The following TRMT9B variants were observed in gnomAD, a reference collection of about 807,000 sequenced individuals.
The protein encoded by TRMT9B is probable tRNA methyltransferase 9B.
Under a neutral mutation model 11.5 loss-of-function variants are expected in TRMT9B, and 16 were observed. The ratio of observed to expected loss-of-function variants is 1.39; its 90% CI spans 0.94 to 2.11. TRMT9B has a LOEUF of 2.11. Among genes scored for constraint, TRMT9B ranks in the 30% most tolerant of loss-of-function variants. The pLI is 0.00. For synonymous variants in TRMT9B, 274 were observed against 192.4 expected (o/e 1.42, Z -3.51); for missense variants, 941 against 553.8 (o/e 1.70, Z -7.02).
intron 1 of TRMT9B, among the ~76,000 whole-genome samples, chr8:12,970,641 A>C: frequency 6.6e-6 from 1 of 152,236 alleles, no homozygotes; most frequent in Non-Finnish European, 1.5e-5. Flanking sequence ...TGTCAATATT[A>C]ATACTATTCC....
chr8:12,990,558 C>A (rs1203918566), intron 1 of TRMT9B, among the ~76,000 whole-genome samples: 2 of 152,142 alleles, frequency 1.3e-5, no homozygotes, highest in Admixed American at 6.5e-5. Context: ...AGATGACTCT[C>A]AATGTTAGCA....
chr8:13,012,926 T>G lies in TRMT9B; in HGVS notation c.328+69T>G, dbSNP rs535318274. The stretch of plus-strand genomic sequence containing the variant: ...ATTGACCCGGTTTAGTCCGTTCTCA[T>G]GACTCAACATCCGTTCTGTGTAGAA... On this transcript the variant is annotated intron_variant, in intron 4 of 4. Transcript: ENST00000524591. 128 of 1,553,586 alleles carry G rather than the reference T, an allele frequency of 8.2e-5. No homozygotes were observed. The African/African-American group carries it at 1.5e-3, about 19-fold the overall frequency.
chr8:13,007,673 T>A (rs1373147412), intron 3 of TRMT9B: 1 of 152,178 alleles, frequency 6.6e-6, no homozygotes, highest in Non-Finnish European at 1.5e-5. Context: ...GAGTGTGCAG[T>A]GAGTTTGGAG....
At chr8:13,010,130 C>G (rs950127253) in intron 3 of TRMT9B, 1 of 462,042 alleles carries the variant, frequency 2.2e-6, no homozygotes, top group Non-Finnish European at 2.8e-6. Context: ...ATAGTGAGAC[C>G]CTATCTGAAA....
chr8:13,008,459 T>C (rs573561404), intron 3 of TRMT9B, among the ~76,000 whole-genome samples: 31 of 152,152 alleles, frequency 2.0e-4, no homozygotes, highest in Non-Finnish European at 4.3e-4. Context: ...ACTCAAATAT[T>C]TTGCTGCACT....
In TRMT9B at chr8:13,021,772, A is replaced by G. The variant is rs1408945468; in HGVS notation, c.1093A>G (p.Ile365Val). 6.2e-7 allele frequency: 1 copy of G among 1,613,984 alleles called. No homozygotes were observed. The highest frequency in any genetic ancestry group is 8.5e-7 in the Non-Finnish European group (1 of 1,179,892). Residue 365 changes from isoleucine to valine, a missense_variant, in exon 5 of 5, where the codon ATA becomes GTA. Transcript: ENST00000524591. Reference protein sequence around the residue: ...TGVNCVDAGNIEDDNPSASKI... With the variant: ...TGVNCVDAGNVEDDNPSASKI... ...TGTGAATTGTGTGGATGCAGGCAAC[A>G]TAGAAGATGATAATCCTTCTGCTAG...
chr8:13,012,239 A>G (rs1350707840), intron 3 of TRMT9B: 1 of 985,420 alleles, frequency 1.0e-6, no homozygotes, highest in Non-Finnish European at 1.2e-6. Context: ...GCTTTTGTGA[A>G]TACCTTCACA....
intron 1 of TRMT9B, among the ~76,000 whole-genome samples, chr8:12,980,242 G>T (rs1050585800): frequency 2.0e-5 from 3 of 152,012 alleles, no homozygotes; most frequent in African/African-American, 7.2e-5. Flanking sequence ...CCAATTCCCG[G>T]TGGGCCCAGG....
chr8:12,978,651 A>G (rs192058419), intron 1 of TRMT9B, among the ~76,000 whole-genome samples: 1 of 152,324 alleles, frequency 6.6e-6, no homozygotes, highest in African/African-American at 2.4e-5. Context: ...CAGCCAATAT[A>G]GTAGCCACTG....
chr8:12,977,017 G>C (rs554344713), intron 1 of TRMT9B, among the ~76,000 whole-genome samples: 2 of 152,316 alleles, frequency 1.3e-5, no homozygotes, highest in Admixed American at 6.5e-5. Context: ...AACTTCCTTG[G>C]AGAGCCTCCT....
chr8:13,011,951 A>G, intron 3 of TRMT9B: 2 of 985,392 alleles, frequency 2.0e-6, no homozygotes, highest in Non-Finnish European at 2.4e-6. Context: ...GCAGTCAGCA[A>G]GTGGTAAGAA....
At position 13,023,141 on chromosome 8, in the gene TRMT9B, T is replaced by C. The variant is rs546499284; in HGVS notation, c.*1097T>C. ...ATATTACTATTGCTTATTAGCAAGA[T>C]TGTTATCAATCATGCTTATTAGAAG... On this transcript the variant is annotated 3_prime_UTR_variant, in exon 5 of 5. Transcript: ENST00000524591. 1 of 167,242 alleles carries C rather than the reference T, an allele frequency of 6.0e-6. No individual in the cohort carries two copies. Among genetic ancestry groups the C allele is most frequent in the East Asian group, 1.9e-4 (1 of 5,182 alleles). 10.4% of individuals were successfully genotyped at this position (167,242 alleles called of 1,614,324 possible). A position where few individuals can be genotyped will look rare whatever the true frequency, so the allele number is the denominator to read the frequency against.
chr8:12,998,559 G>A (rs1157403033), intron 2 of TRMT9B, among the ~76,000 whole-genome samples: 2 of 152,228 alleles, frequency 1.3e-5, no homozygotes, highest in East Asian at 1.9e-4. Flanking sequence ...AGTGCTTACA[G>A]CCTATTACCC....
intron 2 of TRMT9B, among the ~76,000 whole-genome samples, chr8:12,992,145 T>C (rs1807461778): frequency 6.6e-6 from 1 of 152,216 alleles, no homozygotes; most frequent in Non-Finnish European, 1.5e-5. Flanking sequence ...TCATTGGATC[T>C]ACAATTAATT....
chr8:13,027,379 G>T lies in TRMT9B; in HGVS notation c.*5335G>T, dbSNP rs1430156593. ...CATGATGCATATTAGCATATTTAAG[G>T]AGTACCCTAAAGCTTGGACTTAATC... On this transcript the variant is annotated 3_prime_UTR_variant, in exon 5 of 5. Coordinates refer to ENST00000524591, the MANE Select transcript of TRMT9B (RefSeq NM_020844.3). 1 of 167,006 alleles carries T rather than the reference G, an allele frequency of 6.0e-6. No homozygotes were observed. The highest frequency in any genetic ancestry group is 2.4e-5 in the African/African-American group (1 of 41,448). The allele number at this position is 167,006 out of a possible 1,614,324, so 10.3% of individuals were successfully genotyped here.
At chr8:12,998,879 C>G (rs1408268489) in intron 2 of TRMT9B, among the ~76,000 whole-genome samples, 3 of 152,200 alleles carry the variant, frequency 2.0e-5, no homozygotes, top group African/African-American at 7.2e-5. Context: ...TGGGAAAAAA[C>G]CTTTTTACTT....
intron 4 of TRMT9B, among the ~76,000 whole-genome samples, chr8:13,018,222 C>A (rs1317292310): frequency 6.6e-6 from 1 of 150,620 alleles, no homozygotes; most frequent in African/African-American, 2.4e-5. Context: ...GGCAACATGG[C>A]AAAACTCCAT....
intron 4 of TRMT9B, 63 bp downstream of exon 4, chr8:13,012,920 T>G (rs1324523446): frequency 6.4e-7 from 1 of 1,565,856 alleles, no homozygotes; most frequent in Non-Finnish European, 8.7e-7. Flanking sequence ...GTTTAGTCCG[T>G]TCTCATGACT....
intron 2 of TRMT9B, among the ~76,000 whole-genome samples, chr8:12,995,192 G>T (rs1808122980): frequency 1.3e-5 from 2 of 152,312 alleles, no homozygotes; most frequent in East Asian, 1.9e-4. Flanking sequence ...AGCAAGAATT[G>T]TTAACCTTTG....
Sources: allele counts gnomAD v4.1 joint callset (sites outside exome capture counted in the v4.1 genomes callset), GRCh38; gene constraint gnomAD v4.1.1; transcripts MANE v1.5; gene names NCBI Gene and HGNC (gene_info 2026-07-23, HGNC 2026-07-21).